HERC2: variants seen among roughly 807,000 people sequenced by gnomAD.
HERC2 encodes the protein E3 ubiquitin-protein ligase HERC2.
Under a neutral mutation model 537.7 loss-of-function variants are expected in HERC2, and 102 were observed. The observed-to-expected ratio is 0.19, with a 90% CI of 0.16 to 0.22. The LOEUF (loss-of-function observed/expected upper bound fraction) is 0.22, where lower values mean the gene tolerates loss of function less well. Ranked by LOEUF, HERC2 falls within the 10% of genes least tolerant of loss-of-function variation. The probability of loss-of-function intolerance (pLI) is 1.00; values close to 1 mark genes in which losing one functional copy is unlikely to be tolerated. For synonymous variants in HERC2, 2,224 were observed against 2,466.2 expected (o/e 0.90, Z 2.91); for missense variants, 4,236 against 6,198.2 (o/e 0.68, Z 10.63).
chr15:28,214,842 A>T, intron 39 of HERC2, 40 bp from the exon 40 acceptor site: 7 of 1,517,858 alleles, frequency 4.6e-6, no homozygotes, highest in African/African-American at 1.4e-5. Context: ...ATTAAAAAAA[A>T]TCTGATGAGG....
intron 47 of HERC2, among the ~76,000 whole-genome samples, 166 bp downstream of exon 47, chr15:28,201,947 C>T (rs1897950700): frequency 7.1e-6 from 1 of 141,420 alleles, no homozygotes; most frequent in South Asian, 2.1e-4. Context: ...AGTAGTGAAA[C>T]ACAGCTTTGT....
chr15:28,256,434 G>T, intron 17 of HERC2, 117 bp from the exon 18 acceptor site: 1 of 788,968 alleles, frequency 1.3e-6, no homozygotes, highest in Non-Finnish European at 2.0e-6. Flanking sequence ...CAATTTCTCA[G>T]TTTATGTATT....
At chr15:28,140,468 T>A (rs1891105441) in intron 78 of HERC2, among the ~76,000 whole-genome samples, 1 of 152,196 alleles carries the variant, frequency 6.6e-6, no homozygotes, top group Admixed American at 6.5e-5. Flanking sequence ...GTCAAGTAGG[T>A]CACCAAACAT....
chr15:28,219,954 T>G (rs548021877), intron 37 of HERC2, among the ~76,000 whole-genome samples: 1 of 152,284 alleles, frequency 6.6e-6, no homozygotes, highest in African/African-American at 2.4e-5. Context: ...CTAGAAGCGA[T>G]AAAGTGCTGA....
At chr15:28,202,079 C>T (rs1212053622) in intron 47 of HERC2, 34 bp downstream of exon 47, 1 of 1,187,000 alleles carries the variant, frequency 8.4e-7, no homozygotes, top group Non-Finnish European at 1.2e-6. Flanking sequence ...CGGACAGCGG[C>T]CCAGGTGCGG....
At position 28,143,995 on chromosome 15, in the gene HERC2, A is replaced by C. The variant is rs748500945; in HGVS notation, c.11300-4T>G. On this transcript the variant is annotated splice_region_variant and splice_polypyrimidine_tract_variant and intron_variant, in intron 73 of 92. Coordinates refer to ENST00000261609, the MANE Select transcript of HERC2 (RefSeq NM_004667.6). ...GCCCACATTCTGTGACTGGCAGCTG[A>C]AATGAGCAGAGAGAAAGTATCAGAA... 3.1e-6 allele frequency: 5 copies of C among 1,614,052 alleles called. No individual in the cohort carries two copies. The highest frequency in any genetic ancestry group is 1.7e-5 in the Admixed American group (1 of 60,002).
intron 2 of HERC2, among the ~76,000 whole-genome samples, chr15:28,313,341 C>T (rs1214418041): frequency 1.3e-5 from 2 of 152,360 alleles, no homozygotes; most frequent in Admixed American, 1.3e-4. Flanking sequence ...CCACGCCCGG[C>T]TAATTTTTTG....
At chr15:28,247,510 C>T (rs771167374) in intron 21 of HERC2, among the ~76,000 whole-genome samples, 1 of 149,448 alleles carries the variant, frequency 6.7e-6, no homozygotes, top group Non-Finnish European at 1.5e-5. Context: ...CTCACTGCAA[C>T]CTCCGCCTCC....
chr15:28,236,182 T>A lies in HERC2; in HGVS notation c.4003+781A>T, dbSNP rs920169371. On this transcript the variant is annotated intron_variant, in intron 26 of 92. Transcript: ENST00000261609. Reference sequence around the variant, plus strand: ...GATTCCTGCACACTTTTTAGCTTCCTCTGCAGCAACAGACCATGAGGGCAA... The same window carrying A: ...GATTCCTGCACACTTTTTAGCTTCCACTGCAGCAACAGACCATGAGGGCAA... Among the ~76,000 whole-genome samples, 75 of 152,156 alleles carry A rather than the reference T, an allele frequency of 4.9e-4. 2 individuals carry two copies. The highest frequency in any genetic ancestry group is 1.5e-5 in the Non-Finnish European group (1 of 68,042).
chr15:28,116,001 G>A (rs2142050615), intron 88 of HERC2, among the ~76,000 whole-genome samples: 1 of 152,240 alleles, frequency 6.6e-6, no homozygotes, highest in South Asian at 2.1e-4. Context: ...AAACACTGAA[G>A]ATGCAGAAAC....
At chr15:28,121,926 G>C (rs1888940226) in intron 85 of HERC2, among the ~76,000 whole-genome samples, 1 of 131,424 alleles carries the variant, frequency 7.6e-6, no homozygotes, top group African/African-American at 2.9e-5. Flanking sequence ...CCACGGGCCA[G>C]GGAGCACCGC....
chr15:28,212,818 T>A, intron 42 of HERC2: 1 of 529,188 alleles, frequency 1.9e-6, no homozygotes, highest in Non-Finnish European at 2.4e-6. Flanking sequence ...AATAATTACA[T>A]CAGTGTGGTG....
intron 55 of HERC2, among the ~76,000 whole-genome samples, chr15:28,187,972 T>C (rs1177600682): frequency 6.6e-6 from 1 of 152,184 alleles, no homozygotes; most frequent in East Asian, 1.9e-4. Context: ...ACAATTACTT[T>C]TTATTGCCTA....
chr15:28,300,058 A>C (rs1208797537), intron 2 of HERC2, among the ~76,000 whole-genome samples: 2 of 151,174 alleles, frequency 1.3e-5, no homozygotes, highest in Admixed American at 6.6e-5. Context: ...GTGTTAAAAA[A>C]AAAAAAAAAA....
In HERC2 at chr15:28,242,539, G is replaced by A. The variant is rs147176669; in HGVS notation, c.3577+3342C>T. Among the ~76,000 whole-genome samples, 498 of 152,202 alleles carry A rather than the reference G, an allele frequency of 3.3e-3. 1 individual carries two copies. Among genetic ancestry groups the A allele is most frequent in the Non-Finnish European group, 5.5e-3 (372 of 68,008 alleles). ...TAGCTTCTTTATTAGTAAAGGGGTG[G>A]TGGTTATCAATAACAATAAGTTGCA... On this transcript the variant is annotated intron_variant, in intron 23 of 92. Transcript: ENST00000261609.
At chr15:28,117,456 C>A in intron 86 of HERC2, 2 of 657,264 alleles carry the variant, frequency 3.0e-6, no homozygotes, top group Non-Finnish European at 5.6e-6. Flanking sequence ...ACCACGTCCA[C>A]AGCTGCGGCC....
intron 90 of HERC2, 76 bp downstream of exon 90, chr15:28,114,536 A>G: frequency 7.4e-7 from 1 of 1,349,382 alleles, no homozygotes; most frequent in Non-Finnish European, 1.0e-6. Flanking sequence ...CTCCTGAAAA[A>G]CACACATGTC....
intron 57 of HERC2, among the ~76,000 whole-genome samples, chr15:28,181,182 T>C (rs1463491300): frequency 6.6e-6 from 1 of 152,224 alleles, no homozygotes; most frequent in Non-Finnish European, 1.5e-5. Context: ...TATGATTCCC[T>C]GGGTGAAATA....
chr15:28,177,830 A>G lies in HERC2; in HGVS notation c.9164-321T>C, dbSNP rs376263469. Among the ~76,000 whole-genome samples the G allele has an allele frequency of 4.3e-4, 66 of 152,344 alleles. No homozygotes were observed. Among genetic ancestry groups the G allele is most frequent in the Middle Eastern group, 6.8e-3 (2 of 294 alleles). ...AAATTTAGATGAAAAAAGTAAAAAT[A>G]ATTTGTGATTAGACAAAATGTAAAA... On this transcript the variant is annotated intron_variant, in intron 59 of 92. Coordinates refer to ENST00000261609, the MANE Select transcript of HERC2 (RefSeq NM_004667.6). The surrounding 1 kb of genome is among the most constrained non-coding windows in gnomAD (Gnocchi z 5.0).
Sources: gnomAD v4.1 joint callset for allele counts (sites outside exome capture counted in the v4.1 genomes callset) on GRCh38, gnomAD v4.1.1 for gene constraint, Gnocchi (gnomAD v3.1) non-coding constraint, MANE v1.5 for transcripts, NCBI Gene and HGNC (gene_info 2026-07-23, HGNC 2026-07-21) for gene names.